The following DDAH1 variants were observed in gnomAD, a reference collection of about 807,000 sequenced individuals.
DDAH1 encodes the protein N(G),N(G)-dimethylarginine dimethylaminohydrolase 1.
DDAH1 carries 19 observed loss-of-function variants against 28.8 expected under a neutral mutation model. That is an observed-to-expected ratio of 0.66 (90% CI 0.46 to 0.97). DDAH1 has a LOEUF of 0.97. Among genes scored for constraint, DDAH1 ranks in the 50% least tolerant of loss-of-function variants. The probability of loss-of-function intolerance (pLI) is 0.00; values close to 1 mark genes in which losing one functional copy is unlikely to be tolerated. For missense variants in DDAH1, 326 were observed against 375.9 expected, an observed-to-expected ratio of 0.87 and a Z score of 1.10; for synonymous variants, 153 against 154.4, an observed-to-expected ratio of 0.99 and a Z score of 0.07.
chr1:85,574,722 A>G (rs59850265), intron 1 of DDAH1, among the ~76,000 whole-genome samples: 2,003 of 152,280 alleles, frequency 0.013, 46 homozygotes, highest in African/African-American at 0.046. Flanking sequence ...TCTGGGATTC[A>G]GGGAAGGGTA....
chr1:85,576,092 G>GGA (rs1553150107), intron 1 of DDAH1, among the ~76,000 whole-genome samples: 2 of 147,752 alleles, frequency 1.4e-5, no homozygotes, highest in African/African-American at 5.0e-5. Flanking sequence ...TAAAAAAAAA[G>GGA]AAAAAAAAAA....
intron 1 of DDAH1, among the ~76,000 whole-genome samples, chr1:85,445,135 T>G (rs1444306690): frequency 2.0e-5 from 3 of 151,870 alleles, no homozygotes; most frequent in African/African-American, 7.3e-5. Context: ...AGATTAAGGG[T>G]GAATCTGTCT....
At chr1:85,504,986 TTTTTTTTTTTTTTTTTG>T (rs1656962949) in intron 1 of DDAH1, among the ~76,000 whole-genome samples, 1 of 71,676 alleles carries the variant, frequency 1.4e-5, no homozygotes, top group African/African-American at 4.8e-5. Context: ...TTTTTTTTTT[TTTTTTTTTTTTTTTTTG>T]AGACGGAGTT....
chr1:85,463,666 G>A (rs770037376), intron 1 of DDAH1, among the ~76,000 whole-genome samples: 1 of 152,232 alleles, frequency 6.6e-6, no homozygotes, highest in Non-Finnish European at 1.5e-5. Flanking sequence ...TGGAGCAGGT[G>A]AGGAATAAGC....
chr1:85,500,182 TTCA>T, intron 1 of DDAH1, among the ~76,000 whole-genome samples: 2 of 150,236 alleles, frequency 1.3e-5, no homozygotes, highest in East Asian at 2.0e-4. Flanking sequence ...CCTTCCTTCC[TTCA>T]TCTTTTCTTC....
intron 1 of DDAH1, chr1:85,398,374 T>C (rs923720596): frequency 1.1e-4 from 16 of 152,194 alleles, no homozygotes; most frequent in African/African-American, 3.9e-4. Flanking sequence ...ATGGGGGTGA[T>C]TATAGACAGA....
chr1:85,511,663 G>A (rs1453607086), intron 1 of DDAH1, among the ~76,000 whole-genome samples: 1 of 151,954 alleles, frequency 6.6e-6, no homozygotes, highest in Non-Finnish European at 1.5e-5. Context: ...ATGATAAAGG[G>A]GATATCACCA....
intron 1 of DDAH1, among the ~76,000 whole-genome samples, chr1:85,429,743 A>G (rs1217770267): frequency 6.6e-6 from 1 of 152,018 alleles, no homozygotes; most frequent in South Asian, 2.1e-4. Context: ...TGTGGTTTTG[A>G]TTTGCATTTC....
At chr1:85,377,888 A>T (rs1051208649) in intron 1 of DDAH1, among the ~76,000 whole-genome samples, 1 of 152,170 alleles carries the variant, frequency 6.6e-6, no homozygotes, top group Admixed American at 6.6e-5. Context: ...ACTGTAACAA[A>T]ATTTTTGTAT....
rs562164431 is a variant in DDAH1, at chr1:85,429,030, A to G, written c.303+35713T>C. Among the ~76,000 whole-genome samples the G allele has an allele frequency of 5.1e-4, 77 of 151,904 alleles. 1 individual carries two copies. The Middle Eastern group carries it at 0.01, about 20-fold the overall frequency. Reference sequence around the variant, plus strand: ...TTTATTTATTTTTTATTTTTTTATTATATACTTTAAGTTCTGGGATACATG... The same window carrying G: ...TTTATTTATTTTTTATTTTTTTATTGTATACTTTAAGTTCTGGGATACATG... On this transcript the variant is annotated intron_variant, in intron 1 of 5. Transcript: ENST00000284031.
chr1:85,346,709 T>C (rs1648869115), intron 4 of DDAH1, among the ~76,000 whole-genome samples: 1 of 150,478 alleles, frequency 6.6e-6, no homozygotes, highest in East Asian at 1.9e-4. Context: ...TGCCTGTCTA[T>C]AATAACATGG....
At chr1:85,368,326 G>A (rs892286387) in intron 1 of DDAH1, among the ~76,000 whole-genome samples, 2 of 152,228 alleles carry the variant, frequency 1.3e-5, no homozygotes, top group African/African-American at 2.4e-5. Flanking sequence ...GCAAACCCAC[G>A]GAGCCAGGAG....
intron 1 of DDAH1, among the ~76,000 whole-genome samples, chr1:85,556,858 T>C (rs1570672644): frequency 1.3e-5 from 2 of 152,354 alleles, no homozygotes; most frequent in East Asian, 3.9e-4. Context: ...GGCTCACGCC[T>C]GTAATCCAAG....
chr1:85,458,616 T>C (rs535983693), intron 1 of DDAH1, among the ~76,000 whole-genome samples: 2 of 152,170 alleles, frequency 1.3e-5, no homozygotes, highest in Non-Finnish European at 2.9e-5. Flanking sequence ...CTTGAGATTA[T>C]GCCTGCTTGT....
chr1:85,416,436 C>T (rs1027311125), intron 1 of DDAH1, among the ~76,000 whole-genome samples: 1 of 152,124 alleles, frequency 6.6e-6, no homozygotes. Flanking sequence ...CTCAGGTGAT[C>T]CAGCCACCTT....
At chr1:85,467,902 C>A (rs13374965), upstream of DDAH1, among the ~76,000 whole-genome samples, 1,206 of 152,250 alleles carry the variant, frequency 7.9e-3, 9 homozygotes, top group African/African-American at 0.027. Flanking sequence ...AGAATTGGAG[C>A]TGGGGTAAGT....
chr1:85,508,538 A>G (rs1030686075), intron 1 of DDAH1, among the ~76,000 whole-genome samples: 1 of 152,222 alleles, frequency 6.6e-6, no homozygotes, highest in Non-Finnish European at 1.5e-5. Context: ...TGAGAAGTGC[A>G]AGGGGCTGGG....
chr1:85,469,605 C>A (rs78190312), upstream of DDAH1, among the ~76,000 whole-genome samples: 5,063 of 152,160 alleles, frequency 0.033, 272 homozygotes, highest in African/African-American at 0.12. Context: ...GATTTCCTAC[C>A]GAATGCCAAA....
At chr1:85,567,449 CT>C (rs1456489541) in intron 1 of DDAH1, among the ~76,000 whole-genome samples, 1 of 152,188 alleles carries the variant, frequency 6.6e-6, no homozygotes, top group Non-Finnish European at 1.5e-5. Flanking sequence ...TCTGCACAAG[CT>C]CTCTTTTTGC....
Sources: allele counts gnomAD v4.1 joint callset (sites outside exome capture counted in the v4.1 genomes callset), GRCh38; gene constraint gnomAD v4.1.1; transcripts MANE v1.5; gene names NCBI Gene and HGNC (gene_info 2026-07-23, HGNC 2026-07-21).